The following MDFIC2 variants were observed in gnomAD, a reference collection of about 807,000 sequenced individuals.
The protein encoded by MDFIC2 is myoD family inhibitor domain-containing protein 2.
intron 2 of MDFIC2, among the ~76,000 whole-genome samples, chr3:70,252,526 G>A (rs930311144): frequency 6.6e-6 from 1 of 152,114 alleles, no homozygotes; most frequent in Non-Finnish European, 1.5e-5. Flanking sequence ...GGTTACAATT[G>A]CAAAAGCTAA....
Position 70,221,768 on chromosome 3 carries a change from G to A in MDFIC2, c.89-14978C>T, listed in dbSNP as rs17006864. On this transcript the variant is annotated intron_variant, in intron 2 of 3. Transcript: ENST00000567252. Reference sequence around the variant, plus strand: ...GGCTGTTGTCCCAATCCTTGGGACCGTGATTATATCGAGCATCATTGTTAA... The same window carrying A: ...GGCTGTTGTCCCAATCCTTGGGACCATGATTATATCGAGCATCATTGTTAA... Among the ~76,000 whole-genome samples the A allele has an allele frequency of 6.9e-3, 1,045 of 152,286 alleles. 61 individuals carry two copies. The East Asian group carries it at 0.15, about 21-fold the overall frequency.
intron 2 of MDFIC2, among the ~76,000 whole-genome samples, chr3:70,274,802 G>T (rs7428021): frequency 0.96 from 146,134 of 152,300 alleles, 70,195 homozygotes; most frequent in African/African-American, 0.98. Context: ...AAATTGAATA[G>T]GTATTAAGGA....
At chr3:70,210,693 C>A (rs1701334468) in intron 2 of MDFIC2, among the ~76,000 whole-genome samples, 1 of 151,968 alleles carries the variant, frequency 6.6e-6, no homozygotes, top group Admixed American at 6.6e-5. Context: ...ATTCATAGTT[C>A]TTGACATTAA....
intron 2 of MDFIC2, among the ~76,000 whole-genome samples, chr3:70,215,373 A>G (rs1701399025): frequency 1.3e-5 from 2 of 152,126 alleles, no homozygotes; most frequent in South Asian, 2.1e-4. Flanking sequence ...AGCTTGAGAT[A>G]CTTTTCTGAA....
intron 2 of MDFIC2, among the ~76,000 whole-genome samples, chr3:70,308,241 AT>A (rs71803178): frequency 0.31 from 46,401 of 148,642 alleles, 7,386 homozygotes; most frequent in East Asian, 0.43. Flanking sequence ...TTTTTATTTT[AT>A]TTTTTTTTTG....
At chr3:70,261,954 C>T (rs187995727) in intron 2 of MDFIC2, among the ~76,000 whole-genome samples, 51 of 152,228 alleles carry the variant, frequency 3.4e-4, no homozygotes, top group African/African-American at 1.2e-3. Flanking sequence ...TGAACTCTGC[C>T]CTGCCAGCAC....
chr3:70,203,594 A>T (rs754763250), intron 3 of MDFIC2, among the ~76,000 whole-genome samples: 12 of 152,178 alleles, frequency 7.9e-5, no homozygotes, highest in Non-Finnish European at 1.3e-4. Context: ...TGAAATAATT[A>T]TAAAATTGAA....
chr3:70,306,222 G>A (rs1702398834), intron 2 of MDFIC2, among the ~76,000 whole-genome samples: 1 of 152,118 alleles, frequency 6.6e-6, no homozygotes, highest in African/African-American at 2.4e-5. Flanking sequence ...TCCTGCCTCA[G>A]ACTCCCGAGT....
chr3:70,294,913 C>CA (rs1432399701), intron 2 of MDFIC2, among the ~76,000 whole-genome samples: 1 of 152,004 alleles, frequency 6.6e-6, no homozygotes, highest in Non-Finnish European at 1.5e-5. Context: ...GCCAATGATC[C>CA]AAAAACAAAG....
chr3:70,282,360 T>A (rs1345615812), intron 2 of MDFIC2, among the ~76,000 whole-genome samples: 1 of 152,180 alleles, frequency 6.6e-6, no homozygotes, highest in East Asian at 1.9e-4. Flanking sequence ...CAAATGCTAA[T>A]GTGTCTTAAA....
intron 2 of MDFIC2, among the ~76,000 whole-genome samples, chr3:70,290,944 C>T (rs1455574259): frequency 1.3e-5 from 2 of 152,158 alleles, no homozygotes; most frequent in African/African-American, 4.8e-5. Context: ...CACCCACTGA[C>T]CTGAGCCCAC....
At chr3:70,210,083 A>G (rs1401564900) in intron 2 of MDFIC2, among the ~76,000 whole-genome samples, 1 of 152,116 alleles carries the variant, frequency 6.6e-6, no homozygotes, top group Non-Finnish European at 1.5e-5. Context: ...GCACAAAGTA[A>G]TTCAGTAACA....
intron 2 of MDFIC2, among the ~76,000 whole-genome samples, chr3:70,237,143 G>A (rs747767323): frequency 6.6e-6 from 1 of 152,098 alleles, no homozygotes; most frequent in African/African-American, 2.4e-5. Flanking sequence ...TGCATATCTG[G>A]TTTTTACTTA....
chr3:70,265,852 C>A (rs1028386851), intron 2 of MDFIC2, among the ~76,000 whole-genome samples: 4 of 152,182 alleles, frequency 2.6e-5, no homozygotes, highest in Non-Finnish European at 5.9e-5. Context: ...AAATGCCAGA[C>A]ACTTATAAAA....
intron 2 of MDFIC2, among the ~76,000 whole-genome samples, chr3:70,256,913 A>C (rs1242032190): frequency 1.3e-5 from 2 of 152,184 alleles, no homozygotes; most frequent in Non-Finnish European, 2.9e-5. Context: ...ACATGTTCTC[A>C]CTTCCCTGGG....
chr3:70,288,129 TAG>T (rs1702187944), intron 2 of MDFIC2, among the ~76,000 whole-genome samples: 1 of 145,992 alleles, frequency 6.8e-6, no homozygotes, highest in Non-Finnish European at 1.5e-5. Context: ...CTTGCTTTTC[TAG>T]TTCTTTTAAT....
intron 2 of MDFIC2, among the ~76,000 whole-genome samples, chr3:70,224,825 C>T (rs772671318): frequency 2.0e-5 from 3 of 151,176 alleles, no homozygotes; most frequent in Non-Finnish European, 4.4e-5. Context: ...TTTGCAGTTT[C>T]CCCCCCCACA....
At chr3:70,304,673 C>A (rs551867874) in intron 2 of MDFIC2, among the ~76,000 whole-genome samples, 1 of 152,134 alleles carries the variant, frequency 6.6e-6, no homozygotes, top group African/African-American at 2.4e-5. Flanking sequence ...GTATCCTATC[C>A]CAGTTACCAT....
At chr3:70,300,748 A>G (rs1320142137) in intron 2 of MDFIC2, among the ~76,000 whole-genome samples, 2 of 152,094 alleles carry the variant, frequency 1.3e-5, no homozygotes, top group Non-Finnish European at 2.9e-5. Flanking sequence ...TACAAAACCC[A>G]TACTTGGCTA....
Sources: allele counts gnomAD v4.1 joint callset (sites outside exome capture counted in the v4.1 genomes callset), GRCh38; gene constraint gnomAD v4.1.1; transcripts MANE v1.5; gene names NCBI Gene and HGNC (gene_info 2026-07-23, HGNC 2026-07-21).